Variants in PIK3AP1 observed in about 807,000 individuals in gnomAD.
PIK3AP1 encodes the protein phosphoinositide 3-kinase adapter protein 1.
PIK3AP1 carries 21 observed loss-of-function variants against 88.1 expected under a neutral mutation model. The observed-to-expected ratio is 0.24, with a 90% CI of 0.17 to 0.34. The LOEUF (loss-of-function observed/expected upper bound fraction) is 0.34, where lower values mean the gene tolerates loss of function less well. Ranked by LOEUF, PIK3AP1 falls within the 10% of genes least tolerant of loss-of-function variation. The pLI, the probability that PIK3AP1 is intolerant of heterozygous loss-of-function variation, is 1.00. For missense variants in PIK3AP1, 828 were observed against 1,035.7 expected, an observed-to-expected ratio of 0.80 and a Z score of 2.75; for synonymous variants, 398 against 400.0, an observed-to-expected ratio of 1.00 and a Z score of 0.06.
At chr10:96,619,945 G>T (rs1420765972) in intron 12 of PIK3AP1, among the ~76,000 whole-genome samples, 2 of 152,222 alleles carry the variant, frequency 1.3e-5, no homozygotes, top group Non-Finnish European at 2.9e-5. Flanking sequence ...TTTCTTGGGA[G>T]TTTTCCAAGT....
At chr10:96,674,610 T>C (rs1265620380) in intron 2 of PIK3AP1, among the ~76,000 whole-genome samples, 4 of 152,188 alleles carry the variant, frequency 2.6e-5, no homozygotes. Context: ...TAGTGAGAAA[T>C]CAATAAATAC....
chr10:96,696,050 G>A (rs1438421100), intron 2 of PIK3AP1, among the ~76,000 whole-genome samples: 2 of 152,182 alleles, frequency 1.3e-5, no homozygotes, highest in African/African-American at 4.8e-5. Context: ...TACATAAGAT[G>A]CTCATGGGAG....
rs1849068389 is a variant in PIK3AP1, at chr10:96,609,651, C to T, written c.2170+61G>A. On this transcript the variant is annotated intron_variant, in intron 14 of 16. Transcript: ENST00000339364. ...CTCTTAAGAGGATGTTTCCTAAGGTCCAAGGGTGCCAGCTGGAGCCCAGTC... is the reference window on the plus strand; with the variant it reads ...CTCTTAAGAGGATGTTTCCTAAGGTTCAAGGGTGCCAGCTGGAGCCCAGTC... 2.5e-6 allele frequency: 4 copies of T among 1,571,060 alleles called. No homozygotes were observed. In the African/African-American group the frequency reaches 5.5e-5, roughly 21 times the overall value.
chr10:96,601,372 G>T (rs1391168594), intron 16 of PIK3AP1, among the ~76,000 whole-genome samples: 4 of 150,656 alleles, frequency 2.7e-5, no homozygotes, highest in African/African-American at 9.8e-5. Flanking sequence ...TACTCGGAAG[G>T]CTGAGGCAGG....
chr10:96,600,484 A>G (rs762925310), intron 16 of PIK3AP1, among the ~76,000 whole-genome samples: 7 of 152,186 alleles, frequency 4.6e-5, no homozygotes, highest in Non-Finnish European at 7.3e-5. Context: ...CAGGACTAAT[A>G]TTCTAATCCG....
Position 96,673,141 on chromosome 10 carries a change from G to C in PIK3AP1, c.431-16207C>G, listed in dbSNP as rs79807743. On this transcript the variant is annotated intron_variant, in intron 2 of 16. Transcript: ENST00000339364. ...AAGGGGAAAAGATTCTGCTAGGTGA[G>C]CTGCATCTCAGCCACAGACTGACAT... 7.7e-3 allele frequency among the ~76,000 whole-genome samples: 1,167 copies of C among 152,314 alleles called. 8 individuals carry two copies. The highest frequency in any genetic ancestry group is 0.02 in the African/African-American group (843 of 41,570).
At chr10:96,687,801 C>T (rs1844095142) in intron 2 of PIK3AP1, among the ~76,000 whole-genome samples, 1 of 152,188 alleles carries the variant, frequency 6.6e-6, no homozygotes, top group South Asian at 2.1e-4. Context: ...CCTTCCCTTC[C>T]TAGTCTGTGG....
In PIK3AP1 at chr10:96,628,871, T is replaced by TACATATATACACACAC. The variant is rs778599781; in HGVS notation, c.1376-379_1376-378insGTGTGTGTATATATGT. Among the ~76,000 whole-genome samples the TACATATATACACACAC allele has an allele frequency of 1.8e-4, 8 of 43,688 alleles. No homozygotes were observed. The South Asian group carries it at 6.9e-3, about 38-fold the overall frequency. 28.7% of individuals were successfully genotyped at this position (43,688 alleles called of 152,430 possible). ...ACATATATATACACACACACATATATACACATATATATATATACATATATA... is the reference window on the plus strand; with the variant it reads ...ACATATATATACACACACACATATATACATATATACACACACACACATATATATATATACATATATA... On this transcript the variant is annotated intron_variant, in intron 8 of 16. Coordinates refer to ENST00000339364, the MANE Select transcript of PIK3AP1 (RefSeq NM_152309.3).
At chr10:96,597,837 C>T (rs1193037999) in intron 16 of PIK3AP1, among the ~76,000 whole-genome samples, 1 of 152,116 alleles carries the variant, frequency 6.6e-6, no homozygotes, top group Non-Finnish European at 1.5e-5. Flanking sequence ...ATTTTATCTT[C>T]TATCACAAAG....
intron 2 of PIK3AP1, among the ~76,000 whole-genome samples, chr10:96,704,440 G>A (rs1053362607): frequency 6.6e-6 from 1 of 152,208 alleles, no homozygotes; most frequent in Non-Finnish European, 1.5e-5. Context: ...GAATCTGGCT[G>A]GGTGCGGTGG....
rs147166422 is a variant in PIK3AP1 at position 96,642,126 on chromosome 10, G to C, written c.1375+3347C>G. Among the ~76,000 whole-genome samples the C allele has an allele frequency of 3.6e-3, 547 of 152,114 alleles. 19 individuals carry two copies. Among genetic ancestry groups the C allele is most frequent in the Admixed American group, 0.028 (434 of 15,288 alleles). The stretch of plus-strand genomic sequence containing the variant: ...AGAAAATTCAGAGTTCACATAACTG[G>C]GGAAATGAAAAATGTGGGCCGGGCA... On this transcript the variant is annotated intron_variant, in intron 8 of 16. Transcript: ENST00000339364.
intron 12 of PIK3AP1, among the ~76,000 whole-genome samples, chr10:96,618,081 T>C (rs915941265): frequency 6.6e-6 from 1 of 152,128 alleles, no homozygotes; most frequent in Non-Finnish European, 1.5e-5. Flanking sequence ...GCTCAGGAAG[T>C]GGCTAGAGGC....
Position 96,595,219 on chromosome 10 carries a change from T to C in PIK3AP1, c.*358A>G, listed in dbSNP as rs569668667. Reference sequence around the variant, plus strand: ...GCTGAACTAGCAAATACATAAAGACTAATATAAGTGCATTTCAGTAAAATC... The same window carrying C: ...GCTGAACTAGCAAATACATAAAGACCAATATAAGTGCATTTCAGTAAAATC... On this transcript the variant is annotated 3_prime_UTR_variant, in exon 17 of 17. Coordinates refer to ENST00000339364, the MANE Select transcript of PIK3AP1 (RefSeq NM_152309.3). 29 of 255,660 alleles carry C rather than the reference T, an allele frequency of 1.1e-4. No homozygotes were observed. Among genetic ancestry groups the C allele is most frequent in the African/African-American group, 4.7e-4 (21 of 44,290 alleles). 15.8% of individuals were successfully genotyped at this position (255,660 alleles called of 1,614,324 possible). A position where few individuals can be genotyped will look rare whatever the true frequency, so the allele number is the denominator to read the frequency against.
chr10:96,690,066 C>T (rs1458298106), intron 2 of PIK3AP1, among the ~76,000 whole-genome samples: 1 of 152,194 alleles, frequency 6.6e-6, no homozygotes, highest in African/African-American at 2.4e-5. Flanking sequence ...TCAGACTACA[C>T]TGTGCTTATT....
chr10:96,621,979 A>G (rs1289269195), intron 11 of PIK3AP1, among the ~76,000 whole-genome samples: 14 of 152,230 alleles, frequency 9.2e-5, no homozygotes, highest in Admixed American at 2.0e-4. Context: ...ATTGAGAACC[A>G]CTGCTTTAGA....
intron 2 of PIK3AP1, among the ~76,000 whole-genome samples, chr10:96,678,407 C>T (rs1843954909): frequency 6.6e-6 from 1 of 151,960 alleles, no homozygotes. Context: ...TGCACTCCAG[C>T]CTGGGTGACA....
At chr10:96,612,180 C>A (rs780297494) in intron 13 of PIK3AP1, among the ~76,000 whole-genome samples, 1 of 152,118 alleles carries the variant, frequency 6.6e-6, no homozygotes, top group African/African-American at 2.4e-5. Context: ...TCCTGGGACC[C>A]GGTTAGCTCC....
At chr10:96,686,732 T>C (rs1335031165) in intron 2 of PIK3AP1, among the ~76,000 whole-genome samples, 1 of 152,054 alleles carries the variant, frequency 6.6e-6, no homozygotes, top group Admixed American at 6.6e-5. Flanking sequence ...GTCAGGTTCC[T>C]GCAGACTGCG....
chr10:96,633,616 C>G (rs1843275665), intron 8 of PIK3AP1, among the ~76,000 whole-genome samples: 1 of 152,112 alleles, frequency 6.6e-6, no homozygotes, highest in Admixed American at 6.6e-5. Flanking sequence ...GGCTAATGTC[C>G]TAAACAGAGA....
Sources: gnomAD v4.1 joint callset for allele counts (sites outside exome capture counted in the v4.1 genomes callset) on GRCh38, gnomAD v4.1.1 for gene constraint, MANE v1.5 for transcripts, NCBI Gene and HGNC (gene_info 2026-07-23, HGNC 2026-07-21) for gene names.